Variants in TGFBR3 observed in about 807,000 individuals in gnomAD.
The protein encoded by TGFBR3 is transforming growth factor beta receptor type 3.
A neutral mutation model predicts 87.9 loss-of-function variants in TGFBR3; 46 were observed. The observed-to-expected ratio is 0.52, with a 90% CI of 0.41 to 0.67. TGFBR3 has a LOEUF of 0.67. TGFBR3 is among the 30% of genes least tolerant of loss of function. The pLI, the probability that TGFBR3 is intolerant of heterozygous loss-of-function variation, is 0.00. For synonymous variants in TGFBR3, 381 were observed against 391.6 expected, an observed-to-expected ratio of 0.97 and a Z score of 0.32; for missense variants, 866 against 1,041.9, an observed-to-expected ratio of 0.83 and a Z score of 2.32.
At chr1:91,845,564 T>C (rs17885725) in intron 2 of TGFBR3, among the ~76,000 whole-genome samples, 3,977 of 152,336 alleles carry the variant, frequency 0.026, 78 homozygotes, top group Non-Finnish European at 0.039. Context: ...CTTCTATTAT[T>C]TGTCTACAAT....
chr1:91,795,755 C>G (rs1305225446), intron 3 of TGFBR3, among the ~76,000 whole-genome samples: 2 of 152,184 alleles, frequency 1.3e-5, no homozygotes, highest in Non-Finnish European at 2.9e-5. Flanking sequence ...CAAACTCTCC[C>G]CCATCAGTTC....
intron 14 of TGFBR3, among the ~76,000 whole-genome samples, chr1:91,705,225 CTTTTTT>C (rs35620891): frequency 3.7e-5 from 5 of 135,942 alleles, no homozygotes; most frequent in African/African-American, 8.3e-5. Context: ...AGTCTCTTTT[CTTTTTT>C]TTTTTTTTTT....
At chr1:91,874,609 T>C (rs1222957647) in intron 1 of TGFBR3, among the ~76,000 whole-genome samples, 1 of 152,058 alleles carries the variant, frequency 6.6e-6, no homozygotes, top group Non-Finnish European at 1.5e-5. Flanking sequence ...GCGATTCTCC[T>C]GCCTTAGCCT....
chr1:91,742,524 A>C (rs1571463462), intron 4 of TGFBR3, among the ~76,000 whole-genome samples: 1 of 152,210 alleles, frequency 6.6e-6, no homozygotes, highest in East Asian at 1.9e-4. Flanking sequence ...TTTTTCACCT[A>C]ATAACTCCAC....
intron 7 of TGFBR3, among the ~76,000 whole-genome samples, chr1:91,725,609 T>A (rs188787281): frequency 1.3e-5 from 2 of 152,334 alleles, no homozygotes; most frequent in East Asian, 3.9e-4. Context: ...CCTTAACAAG[T>A]ATTTGGCAAA....
chr1:91,690,271 G>C (rs532751732), intron 16 of TGFBR3, among the ~76,000 whole-genome samples: 1 of 152,216 alleles, frequency 6.6e-6, no homozygotes, highest in South Asian at 2.1e-4. Flanking sequence ...GCTCCACTGG[G>C]CTGAGATCTG....
At chr1:91,825,487 G>A (rs1342805855) in intron 2 of TGFBR3, among the ~76,000 whole-genome samples, 1 of 152,224 alleles carries the variant, frequency 6.6e-6, no homozygotes, top group Non-Finnish European at 1.5e-5. Context: ...TGGGGAAAGG[G>A]AAGAATAGGG....
chr1:91,822,293 TAAAAAAAAAAAAAAAAA>T (rs71087974), intron 2 of TGFBR3, among the ~76,000 whole-genome samples: 13 of 93,326 alleles, frequency 1.4e-4, no homozygotes, highest in South Asian at 1.2e-3. Context: ...AGCAAAGCAT[TAAAAAAAAAAAAAAAAA>T]AAAAAAAAAA....
At chr1:91,822,561 T>C (rs1468071046) in intron 2 of TGFBR3, among the ~76,000 whole-genome samples, 1 of 152,226 alleles carries the variant, frequency 6.6e-6, no homozygotes, top group Non-Finnish European at 1.5e-5. Context: ...TTCAACTCTA[T>C]TAATTTCTGC....
chr1:91,805,928 A>G (rs927327471), intron 2 of TGFBR3, among the ~76,000 whole-genome samples: 3 of 152,160 alleles, frequency 2.0e-5, no homozygotes, highest in African/African-American at 7.2e-5. Flanking sequence ...CCAGCTCCAG[A>G]CTTTTCCCCT....
chr1:91,802,608 G>A (rs1025755653), intron 2 of TGFBR3, among the ~76,000 whole-genome samples: 1 of 152,054 alleles, frequency 6.6e-6, no homozygotes, highest in African/African-American at 2.4e-5. Flanking sequence ...TGATCCACCT[G>A]CGTTGGCCTC....
chr1:91,698,779 C>T (rs2765890), intron 14 of TGFBR3, among the ~76,000 whole-genome samples: 116,716 of 152,120 alleles, frequency 0.77, 44,968 homozygotes, highest in Admixed American at 0.84. Context: ...GGCCGAGGGA[C>T]TATAGGCGCG....
intron 2 of TGFBR3, among the ~76,000 whole-genome samples, chr1:91,831,070 G>A (rs1362790042): frequency 6.6e-6 from 1 of 152,062 alleles, no homozygotes; most frequent in Non-Finnish European, 1.5e-5. Flanking sequence ...CTGTCCAAAG[G>A]CCACAAGATC....
At chr1:91,814,321 A>G (rs929104507) in intron 2 of TGFBR3, among the ~76,000 whole-genome samples, 6 of 152,218 alleles carry the variant, frequency 3.9e-5, no homozygotes, top group Non-Finnish European at 8.8e-5. Context: ...TCCTGAAATG[A>G]AATCGTTTCT....
intron 1 of TGFBR3, among the ~76,000 whole-genome samples, chr1:91,863,586 A>C (rs1678277069): frequency 6.6e-6 from 1 of 152,218 alleles, no homozygotes; most frequent in African/African-American, 2.4e-5. Flanking sequence ...TTATACCAAT[A>C]AAGTGGAGAA....
chr1:91,746,918 G>A (rs1368849318), intron 4 of TGFBR3, among the ~76,000 whole-genome samples: 1 of 152,104 alleles, frequency 6.6e-6, no homozygotes, highest in African/African-American at 2.4e-5. Flanking sequence ...CAGCTACCAG[G>A]CTCAGAAATC....
chr1:91,873,541 ACTCCTGTCCTCGGC>A (rs1678672101), intron 1 of TGFBR3, among the ~76,000 whole-genome samples: 1 of 149,742 alleles, frequency 6.7e-6, no homozygotes, highest in Admixed American at 6.6e-5. Flanking sequence ...AGTCCTCGAG[ACTCCTGTCCTCGGC>A]CTCCAAAAGT....
chr1:91,797,015 C>T (rs284138), intron 3 of TGFBR3, among the ~76,000 whole-genome samples: 1 of 152,106 alleles, frequency 6.6e-6, no homozygotes, highest in South Asian at 2.1e-4. Context: ...CAGGTGTGCA[C>T]CATCACCATG....
At chr1:91,895,577 C>T (rs918963914) in intron 2 of TGFBR3, among the ~76,000 whole-genome samples, 1 of 152,166 alleles carries the variant, frequency 6.6e-6, no homozygotes, top group Non-Finnish European at 1.5e-5. Context: ...CCATCTTGGC[C>T]TCCCAAAGTG....
Sources: allele counts gnomAD v4.1 joint callset (sites outside exome capture counted in the v4.1 genomes callset), GRCh38; gene constraint gnomAD v4.1.1; transcripts MANE v1.5; gene names NCBI Gene and HGNC (gene_info 2026-07-23, HGNC 2026-07-21).